The following MORC1 variants were observed in gnomAD, a reference collection of about 807,000 sequenced individuals.
MORC1 encodes MORC family CW-type zinc finger protein 1.
MORC1 carries 59 observed loss-of-function variants against 134.9 expected under a neutral mutation model. The ratio of observed to expected loss-of-function variants is 0.44; its 90% CI spans 0.35 to 0.54. MORC1 has a LOEUF of 0.54. MORC1 is among the 20% of genes least tolerant of loss of function. The pLI is 0.00. For missense variants in MORC1, 947 were observed against 1,134.5 expected, an observed-to-expected ratio of 0.83 and a Z score of 2.37; for synonymous variants, 395 against 391.7, an observed-to-expected ratio of 1.01 and a Z score of -0.10.
At chr3:109,109,103 C>T (rs944211509) in intron 3 of MORC1, among the ~76,000 whole-genome samples, 2 of 152,098 alleles carry the variant, frequency 1.3e-5, no homozygotes, top group Admixed American at 6.5e-5. Flanking sequence ...TGGCTCCCTC[C>T]CTTTCATCAT....
intron 24 of MORC1, among the ~76,000 whole-genome samples, chr3:108,975,482 T>G (rs763359093): frequency 6.6e-6 from 1 of 152,176 alleles, no homozygotes; most frequent in African/African-American, 2.4e-5. Flanking sequence ...CAAGTTTACA[T>G]ACACAACAAT....
At chr3:109,003,727 A>G (rs985862030) in intron 20 of MORC1, among the ~76,000 whole-genome samples, 2 of 152,136 alleles carry the variant, frequency 1.3e-5, no homozygotes, top group East Asian at 1.9e-4. Flanking sequence ...TCAACAAAAA[A>G]CCTGAAATTC....
At chr3:108,996,757 T>C (rs1948241752) in intron 21 of MORC1, among the ~76,000 whole-genome samples, 1 of 152,140 alleles carries the variant, frequency 6.6e-6, no homozygotes, top group South Asian at 2.1e-4. Flanking sequence ...ATGCCTGTAA[T>C]CCCAGCACTC....
chr3:109,081,825 T>C (rs1451068878), intron 8 of MORC1, among the ~76,000 whole-genome samples: 1 of 152,138 alleles, frequency 6.6e-6, no homozygotes, highest in Non-Finnish European at 1.5e-5. Flanking sequence ...GAAAATTTCC[T>C]CCTGACTCAC....
At chr3:109,085,101 G>C (rs1950591955) in intron 8 of MORC1, among the ~76,000 whole-genome samples, 1 of 151,816 alleles carries the variant, frequency 6.6e-6, no homozygotes, top group African/African-American at 2.4e-5. Flanking sequence ...TCTGGGCAAA[G>C]GGGTGTGTCT....
intron 27 of MORC1, among the ~76,000 whole-genome samples, chr3:108,960,512 A>G (rs146117764): frequency 6.8e-4 from 104 of 152,340 alleles, no homozygotes; most frequent in Non-Finnish European, 1.3e-3. Flanking sequence ...GTGGTCGGTC[A>G]AGAGCAAAGG....
Position 109,070,480 on chromosome 3 carries a change from G to A in MORC1, c.690-723C>T, listed in dbSNP as rs146652076. On this transcript the variant is annotated intron_variant, in intron 8 of 27. Transcript: ENST00000232603. Reference sequence around the variant, plus strand: ...CCAGGGAACTTCTATATTAAAGTCCGTTTATGAACTGTAAATCCTCTCCAA... The same window carrying A: ...CCAGGGAACTTCTATATTAAAGTCCATTTATGAACTGTAAATCCTCTCCAA... Among the ~76,000 whole-genome samples, 12 of 152,238 alleles carry A rather than the reference G, an allele frequency of 7.9e-5. No homozygotes were observed. The East Asian group carries it at 1.9e-3, about 24-fold the overall frequency.
chr3:109,099,245 C>T, intron 6 of MORC1, 113 bp downstream of exon 6: 1 of 713,106 alleles, frequency 1.4e-6, no homozygotes, highest in East Asian at 2.9e-5. Flanking sequence ...CAAACATATT[C>T]CTAAGTTTCT....
intron 2 of MORC1, among the ~76,000 whole-genome samples, chr3:109,113,268 C>A (rs886304378): frequency 7.2e-5 from 11 of 152,188 alleles, no homozygotes; most frequent in Admixed American, 2.6e-4. Context: ...AAGCTGAGTT[C>A]ATGGCTCTGA....
intron 17 of MORC1, among the ~76,000 whole-genome samples, chr3:109,024,728 ATGATTCTG>A (rs1949034952): frequency 6.6e-6 from 1 of 152,226 alleles, no homozygotes; most frequent in African/African-American, 2.4e-5. Flanking sequence ...CATATATTGT[ATGATTCTG>A]TGATACTGAA....
intron 21 of MORC1, among the ~76,000 whole-genome samples, chr3:108,988,524 CATG>C (rs1453006909): frequency 6.6e-6 from 1 of 152,108 alleles, no homozygotes; most frequent in Non-Finnish European, 1.5e-5. Flanking sequence ...GGAAAATCTA[CATG>C]ATATTAAGTG....
At chr3:109,056,518 A>G (rs1949964680) in intron 13 of MORC1, among the ~76,000 whole-genome samples, 1 of 152,152 alleles carries the variant, frequency 6.6e-6, no homozygotes, top group South Asian at 2.1e-4. Flanking sequence ...TGAGCCACTG[A>G]GCCCAGCCAT....
intron 17 of MORC1, among the ~76,000 whole-genome samples, chr3:109,014,954 C>T (rs755118590): frequency 7.2e-5 from 11 of 152,100 alleles, no homozygotes; most frequent in Non-Finnish European, 1.3e-4. Context: ...GGCGTAATCT[C>T]GGCTCACTGC....
chr3:108,985,122 C>T (rs2593961), intron 22 of MORC1, among the ~76,000 whole-genome samples: 109,422 of 151,946 alleles, frequency 0.72, 40,161 homozygotes, highest in Non-Finnish European at 0.79. Flanking sequence ...CATCTTCCCC[C>T]AATAACCCAC....
At chr3:109,090,910 A>G (rs1950707641) in intron 8 of MORC1, among the ~76,000 whole-genome samples, 1 of 152,094 alleles carries the variant, frequency 6.6e-6, no homozygotes, top group Non-Finnish European at 1.5e-5. Flanking sequence ...ATGGTAAAAA[A>G]TGTGTTATAT....
In MORC1 at chr3:109,040,844, A is replaced by G. The variant is rs1276509866; in HGVS notation, c.1331-5376T>C. 5.7e-5 allele frequency among the ~76,000 whole-genome samples: 7 copies of G among 122,880 alleles called. No individual in the cohort carries two copies. In the East Asian group the frequency reaches 2.0e-3, roughly 35 times the overall value. The allele number at this position is 122,880 out of a possible 152,430, so 80.6% of individuals were successfully genotyped here. A position where few individuals can be genotyped will look rare whatever the true frequency, so the allele number is the denominator to read the frequency against. ...AACTCTGTGTCAAAAAAAAAAAAAA[A>G]AAAAAAGAAAGAAAGAAATGTGAAA... is the stretch of plus-strand genomic sequence containing the variant. On this transcript the variant is annotated intron_variant, in intron 14 of 27. Transcript: ENST00000232603.
intron 24 of MORC1, among the ~76,000 whole-genome samples, chr3:108,977,637 A>G (rs1024647655): frequency 6.6e-6 from 1 of 152,246 alleles, no homozygotes; most frequent in African/African-American, 2.4e-5. Flanking sequence ...ATACAGGCAC[A>G]TGCATATAAA....
At chr3:108,963,105 C>A (rs1301792238) in intron 27 of MORC1, among the ~76,000 whole-genome samples, 1 of 151,568 alleles carries the variant, frequency 6.6e-6, no homozygotes, top group Non-Finnish European at 1.5e-5. Context: ...GGAGGAATCA[C>A]CTGAACCCAG....
chr3:109,032,082 T>C (rs1277061627), intron 16 of MORC1, among the ~76,000 whole-genome samples: 1 of 152,172 alleles, frequency 6.6e-6, no homozygotes, highest in African/African-American at 2.4e-5. Flanking sequence ...ATTACCCTAA[T>C]GTCTATATTA....
Sources: gnomAD v4.1 joint callset for allele counts (sites outside exome capture counted in the v4.1 genomes callset) on GRCh38, gnomAD v4.1.1 for gene constraint, MANE v1.5 for transcripts, NCBI Gene and HGNC (gene_info 2026-07-23, HGNC 2026-07-21) for gene names.